The following KLHL6 variants were observed in gnomAD, a reference collection of about 807,000 sequenced individuals.
KLHL6 encodes kelch like family member 6.
KLHL6 carries 41 observed loss-of-function variants against 58.6 expected under a neutral mutation model. The ratio of observed to expected loss-of-function variants is 0.70; its 90% CI spans 0.55 to 0.91. KLHL6 has a LOEUF of 0.91. Among genes scored for constraint, KLHL6 ranks in the 40% least tolerant of loss-of-function variants. The pLI is 0.00. For missense variants in KLHL6, 714 were observed against 805.6 expected (o/e 0.89, Z 1.38); for synonymous variants, 338 against 322.7 (o/e 1.05, Z -0.51).
At position 183,492,150 on chromosome 3, in the gene KLHL6, C is replaced by G; in HGVS notation, c.1643G>C (p.Arg548Pro). 6.2e-7 allele frequency: 1 copy of G among 1,613,556 alleles called. No homozygotes were observed. Among genetic ancestry groups the G allele is most frequent in the Non-Finnish European group, 8.5e-7 (1 of 1,179,998 alleles). ...GCAGGGCGCGATACCGCAGCTGGCC[C>G]GCTCGTGGCTGAGCTGGGTCACCAG... ...WCLVTQLSHE[R>P]ASCGIAPCNN... Residue 548 changes from arginine to proline, a missense_variant, in exon 7 of 7, where the codon CGG becomes CCG. By Grantham distance (103) the Arg-to-Pro change is moderately radical. Around this residue, in one of 2 missense-constraint regions of KLHL6, gnomAD observed 510 missense variants for 629.7 expected, o/e 0.81. Transcript: ENST00000341319. The surrounding 1 kb of genome is among the most constrained non-coding windows in gnomAD (Gnocchi z 5.9).
intron 1 of KLHL6, among the ~76,000 whole-genome samples, chr3:183,550,104 C>T (rs1324209181): frequency 6.6e-6 from 1 of 151,884 alleles, no homozygotes; most frequent in Non-Finnish European, 1.5e-5. Context: ...AAGCTTCATA[C>T]ATAAAACAAG....
At position 183,490,384 on chromosome 3, in the gene KLHL6, A is replaced by G. The variant is rs1717509968; in HGVS notation, c.*1543T>C. 6.6e-6 allele frequency: 1 copy of G among 152,170 alleles called. No individual in the cohort carries two copies. Among genetic ancestry groups the G allele is most frequent in the South Asian group, 2.1e-4 (1 of 4,822 alleles). The allele number at this position is 152,170 out of a possible 1,614,324, so 9.4% of individuals were successfully genotyped here. Reference sequence around the variant, plus strand: ...TAATAAAACAGTAGTTTGAGTCTCTAGAGACATCTTGTCTATATTGCAGTA... The same window carrying G: ...TAATAAAACAGTAGTTTGAGTCTCTGGAGACATCTTGTCTATATTGCAGTA... On this transcript the variant is annotated 3_prime_UTR_variant, in exon 7 of 7. Transcript: ENST00000341319.
intron 2 of KLHL6, among the ~76,000 whole-genome samples, chr3:183,510,345 G>A (rs1285749934): frequency 6.6e-6 from 1 of 151,984 alleles, no homozygotes; most frequent in South Asian, 2.1e-4. Flanking sequence ...GTCCTGGTGA[G>A]AGTAGGGACA....
Position 183,492,300 on chromosome 3 carries a change from T to C in KLHL6, c.1565-72A>G. On this transcript the variant is annotated intron_variant, in intron 6 of 6. Transcript: ENST00000341319. This position sits in a 1 kb window ranked among gnomAD's most constrained non-coding sequence, Gnocchi z 5.9. ...TTTCTTCCCTCTTAACCACTAAAAT[T>C]CAACTTCTGATTAGGCCAAGTCTAC... is the stretch of plus-strand genomic sequence containing the variant. 7.0e-7 allele frequency: 1 copy of C among 1,420,874 alleles called. No homozygotes were observed. The allele number at this position is 1,420,874 out of a possible 1,614,324, so 88.0% of individuals were successfully genotyped here.
In KLHL6 at chr3:183,555,554, T is replaced by C; in HGVS notation, c.100A>G (p.Lys34Glu). 6.2e-7 allele frequency: 1 copy of C among 1,614,190 alleles called. No individual in the cohort carries two copies. Among genetic ancestry groups the C allele is most frequent in the Non-Finnish European group, 8.5e-7 (1 of 1,180,034 alleles). The stretch of plus-strand genomic sequence containing the variant: ...AAGATCTCGACCAAGTCTCCTGTTT[T>C]CTGGGAGGGCTCATCTGTAGAAGGT... ...LAPSTDEPSQ[K>E]TGDLVEILNG... Residue 34 changes from lysine (K) to glutamate (E), a missense_variant, in exon 1 of 7, where the codon AAA becomes GAA. Coordinates refer to ENST00000341319, the MANE Select transcript of KLHL6 (RefSeq NM_130446.4).
chr3:183,514,624 G>C (rs1711511378), intron 2 of KLHL6, among the ~76,000 whole-genome samples: 2 of 151,970 alleles, frequency 1.3e-5, no homozygotes, highest in Non-Finnish European at 1.5e-5. Context: ...TTATAGCCAT[G>C]ACTCTATCCA....
intron 1 of KLHL6, among the ~76,000 whole-genome samples, chr3:183,535,305 G>C (rs1712329900): frequency 6.6e-6 from 1 of 152,170 alleles, no homozygotes; most frequent in Non-Finnish European, 1.5e-5. Context: ...ATGCCCAACA[G>C]CCACATGTGG....
chr3:183,508,091 C>A lies in KLHL6; in HGVS notation c.877G>T (p.Glu293Ter). 1 of 1,614,142 alleles carries A rather than the reference C, an allele frequency of 6.2e-7. No homozygotes were observed. Among genetic ancestry groups the A allele is most frequent in the Non-Finnish European group, 8.5e-7 (1 of 1,180,000 alleles). Residue 293 changes from glutamate (E) to a stop codon, truncating the protein, a stop_gained, in exon 3 of 7, where the codon GAA (glutamate) becomes TAA (stop). Coordinates refer to ENST00000341319, the MANE Select transcript of KLHL6 (RefSeq NM_130446.4). LOFTEE classifies it high-confidence loss of function. ...CCAGAAAGGTGGTACATCCTGGCTT[C>A]CTGGAGCAGCGGGAAGACCTCTGGG... The part of the protein sequence containing the change: ...QCPEVFPLLQ[E>*]ARMYHLSGNE...
chr3:183,551,090 C>T (rs1209438496), intron 1 of KLHL6, among the ~76,000 whole-genome samples: 1 of 149,452 alleles, frequency 6.7e-6, no homozygotes, highest in Non-Finnish European at 1.5e-5. Flanking sequence ...CACTGCACTC[C>T]AGCCTGGGCG....
At chr3:183,495,671 T>C (rs746847622) in intron 4 of KLHL6, among the ~76,000 whole-genome samples, 1 of 152,036 alleles carries the variant, frequency 6.6e-6, no homozygotes, top group Non-Finnish European at 1.5e-5. Context: ...TTAATCTATA[T>C]ACTCAGTGCC....
rs998487080 is a variant in KLHL6 at position 183,492,906 on chromosome 3, A to C, written c.1351-199T>G. 11 of 566,106 alleles carry C rather than the reference A, an allele frequency of 1.9e-5. No individual in the cohort carries two copies. In the Admixed American group the frequency reaches 3.1e-4, roughly 16 times the overall value. 35.1% of individuals were successfully genotyped at this position (566,106 alleles called of 1,614,324 possible). On this transcript the variant is annotated intron_variant, in intron 5 of 6. Transcript: ENST00000341319. The surrounding 1 kb of genome is among the most constrained non-coding windows in gnomAD (Gnocchi z 5.9). The stretch of plus-strand genomic sequence containing the variant: ...ATTTCCCACCCTCCCTCCAGGCTCC[A>C]CGCAAGCTAGAGCAAGCTGTGTGTT...
At chr3:183,535,919 G>A (rs918688495) in intron 1 of KLHL6, among the ~76,000 whole-genome samples, 3 of 152,190 alleles carry the variant, frequency 2.0e-5, no homozygotes, top group Admixed American at 6.5e-5. Flanking sequence ...AGGGCTACAG[G>A]CGCCCGCCAC....
chr3:183,502,697 C>T (rs1412906973), intron 3 of KLHL6, among the ~76,000 whole-genome samples: 1 of 152,168 alleles, frequency 6.6e-6, no homozygotes, highest in African/African-American at 2.4e-5. Flanking sequence ...GCTTGAATCT[C>T]ATAATGAACT....
intron 2 of KLHL6, among the ~76,000 whole-genome samples, chr3:183,514,288 C>T (rs766886851): frequency 6.6e-6 from 1 of 152,110 alleles, no homozygotes; most frequent in Non-Finnish European, 1.5e-5. Context: ...AGTCCTACCC[C>T]CACCCCTTCA....
chr3:183,507,500 C>T (rs190450052), intron 3 of KLHL6, among the ~76,000 whole-genome samples: 13 of 152,048 alleles, frequency 8.5e-5, no homozygotes, highest in Admixed American at 2.6e-4. Flanking sequence ...GGCGTGATCT[C>T]GGCTCACTAC....
Position 183,508,052 on chromosome 3 carries a change from T to G in KLHL6, c.909+7A>C, listed in dbSNP as rs1304812222. ...GTTAAATATAGCACCTCTTATCTTC[T>G]ACTCACCTCATTGCCAGAAAGGTGG... On this transcript the variant is annotated splice_region_variant and intron_variant, in intron 3 of 6. Transcript: ENST00000341319. 6.2e-7 allele frequency: 1 copy of G among 1,612,110 alleles called. No individual in the cohort carries two copies. Among genetic ancestry groups the G allele is most frequent in the East Asian group, 2.2e-5 (1 of 44,834 alleles).
intron 1 of KLHL6, chr3:183,552,185 C>A (rs747594596): frequency 6.6e-6 from 1 of 152,016 alleles, no homozygotes; most frequent in African/African-American, 2.4e-5. Context: ...CTCAGCAAAC[C>A]CCCTTCAAGA....
In KLHL6 at chr3:183,492,617, G is replaced by T. The variant is rs1301620142; in HGVS notation, c.1441C>A (p.Leu481Met). Residue 481 changes from leucine to methionine, a missense_variant, in exon 6 of 7, where the codon CTG (leucine) becomes ATG (methionine). Leu to Met is a conservative substitution (Grantham distance 15, BLOSUM62 2). Around this residue, in one of 2 missense-constraint regions of KLHL6, gnomAD observed 510 missense variants for 629.7 expected, o/e 0.81. Transcript: ENST00000341319. This position sits in a 1 kb window ranked among gnomAD's most constrained non-coding sequence, Gnocchi z 5.9. Reference sequence around the variant, plus strand: ...TAACACTGAGTCTTGTCTGTGGCCAGTTTCCCATTGGGCCCTCCCCCGATC... The same window carrying T: ...TAACACTGAGTCTTGTCTGTGGCCATTTTCCCATTGGGCCCTCCCCCGATC... The part of the protein sequence containing the change: ...YVIGGGPNGK[L>M]ATDKTQCYDP... 2 of 1,614,176 alleles carry T rather than the reference G, an allele frequency of 1.2e-6. No homozygotes were observed. The highest frequency in any genetic ancestry group is 1.7e-5 in the Admixed American group (1 of 60,026).
At chr3:183,554,803 T>C (rs1713049858) in intron 1 of KLHL6, among the ~76,000 whole-genome samples, 1 of 152,234 alleles carries the variant, frequency 6.6e-6, no homozygotes, top group Non-Finnish European at 1.5e-5. Flanking sequence ...AAAGGTTTAC[T>C]ATAGAATGTA....
Sources: gnomAD v4.1 joint callset for allele counts (sites outside exome capture counted in the v4.1 genomes callset) on GRCh38, gnomAD v4.1.1 for gene constraint, gnomAD v4.1.1 regional missense constraint, Gnocchi (gnomAD v3.1) non-coding constraint, MANE v1.5 for transcripts, NCBI Gene and HGNC (gene_info 2026-07-23, HGNC 2026-07-21) for gene names.